The following RCSD1 variants were observed in gnomAD, a reference collection of about 807,000 sequenced individuals.
RCSD1 encodes capZ-interacting protein.
Under a neutral mutation model 42.5 loss-of-function variants are expected in RCSD1, and 26 were observed. The ratio of observed to expected loss-of-function variants is 0.61; its 90% confidence interval spans 0.45 to 0.85. The LOEUF is 0.85. Among genes scored for constraint, RCSD1 ranks in the 40% least tolerant of loss-of-function variants. The pLI is 0.00. For missense variants in RCSD1, 571 were observed against 528.3 expected (o/e 1.08, Z -0.79); for synonymous variants, 220 against 212.2 (o/e 1.04, Z -0.32).
intron 1 of RCSD1, among the ~76,000 whole-genome samples, chr1:167,649,790 C>A (rs760025128): frequency 2.6e-5 from 4 of 152,162 alleles, no homozygotes; most frequent in Non-Finnish European, 5.9e-5. Flanking sequence ...AGGGAGAGGA[C>A]AGCATTGTTC....
intron 6 of RCSD1, among the ~76,000 whole-genome samples, chr1:167,699,939 C>T (rs577698071): frequency 3.9e-5 from 6 of 152,316 alleles, no homozygotes; most frequent in African/African-American, 1.4e-4. Flanking sequence ...GGACCTCCCT[C>T]CATCCCATCA....
intron 5 of RCSD1, among the ~76,000 whole-genome samples, chr1:167,694,810 C>T (rs17539040): frequency 0.046 from 7,045 of 152,224 alleles, 217 homozygotes; most frequent in Middle Eastern, 0.12. Flanking sequence ...CCAAACTGTT[C>T]CCTTTGCAAA....
intron 4 of RCSD1, among the ~76,000 whole-genome samples, chr1:167,692,434 C>A (rs1659396884): frequency 6.6e-6 from 1 of 152,186 alleles, no homozygotes; most frequent in South Asian, 2.1e-4. Flanking sequence ...TGCCATGAAG[C>A]CCTCTCAGCC....
intron 1 of RCSD1, among the ~76,000 whole-genome samples, chr1:167,680,585 A>T (rs143603808): frequency 6.6e-6 from 1 of 152,100 alleles, no homozygotes; most frequent in Non-Finnish European, 1.5e-5. Flanking sequence ...GGCCCGAGTG[A>T]TCCTCTCTCC....
At chr1:167,673,987 T>C (rs1357745566) in intron 1 of RCSD1, among the ~76,000 whole-genome samples, 1 of 152,218 alleles carries the variant, frequency 6.6e-6, no homozygotes, top group Non-Finnish European at 1.5e-5. Flanking sequence ...ATTTCCCAAT[T>C]GCAGCAATGG....
In RCSD1 at chr1:167,707,364, G is replaced by T. The variant is rs1332329398; in HGVS notation, c.*2668G>T. 6.6e-6 allele frequency among the ~76,000 whole-genome samples: 1 copy of T among 152,230 alleles called. No homozygotes were observed. Among genetic ancestry groups the T allele is most frequent in the Non-Finnish European group, 1.5e-5 (1 of 68,042 alleles). The stretch of plus-strand genomic sequence containing the variant: ...TGATTAGGTTTTCTTGATTAGGGAT[G>T]TGTTTAGTACAGCTGAATGAACAAG... On this transcript the variant is annotated 3_prime_UTR_variant, in exon 7 of 7. Coordinates refer to ENST00000367854, the MANE Select transcript of RCSD1 (RefSeq NM_052862.4).
At chr1:167,695,602 G>A (rs377729508) in intron 5 of RCSD1, among the ~76,000 whole-genome samples, 11 of 149,354 alleles carry the variant, frequency 7.4e-5, no homozygotes, top group Non-Finnish European at 1.6e-4. Context: ...GCAGTGGTGC[G>A]ATATTGGCTC....
chr1:167,661,428 G>A (rs1658539763), intron 1 of RCSD1, among the ~76,000 whole-genome samples: 1 of 152,234 alleles, frequency 6.6e-6, no homozygotes, highest in Non-Finnish European at 1.5e-5. Flanking sequence ...GGGCCAGTCT[G>A]GCCTCACTGC....
chr1:167,696,647 C>A lies in RCSD1; in HGVS notation c.475-452C>A, dbSNP rs1442642990. Among the ~76,000 whole-genome samples, 3 of 152,034 alleles carry A rather than the reference C, an allele frequency of 2.0e-5. No individual in the cohort carries two copies. The South Asian group carries it at 6.2e-4, about 32-fold the overall frequency. On this transcript the variant is annotated intron_variant, in intron 5 of 6. Transcript: ENST00000367854. ...TTCTTACTTTCAGTAGAGATGGAGT[C>A]TCGCTACGTTGCCCAGGCTGATCTT...
intron 1 of RCSD1, among the ~76,000 whole-genome samples, chr1:167,667,710 T>C (rs1207448797): frequency 1.3e-5 from 2 of 152,324 alleles, no homozygotes; most frequent in East Asian, 1.9e-4. Context: ...CTTGGACAAG[T>C]CACTGAACCT....
chr1:167,635,461 G>A (rs936489064), intron 1 of RCSD1, among the ~76,000 whole-genome samples: 9 of 152,196 alleles, frequency 5.9e-5, no homozygotes, highest in African/African-American at 1.9e-4. Flanking sequence ...CACAGGAGGG[G>A]GTGAATGTGC....
intron 1 of RCSD1, among the ~76,000 whole-genome samples, chr1:167,651,828 C>A (rs528322006): frequency 6.6e-6 from 1 of 152,062 alleles, no homozygotes; most frequent in African/African-American, 2.4e-5. Context: ...CTCTGATAGG[C>A]CTTCTCCCCG....
intron 1 of RCSD1, among the ~76,000 whole-genome samples, chr1:167,654,727 G>A (rs768576244): frequency 6.6e-6 from 1 of 152,160 alleles, no homozygotes; most frequent in African/African-American, 2.4e-5. Context: ...ACAAGAGGAA[G>A]GAGAGCAGAA....
chr1:167,648,112 TC>T (rs1658211435), intron 1 of RCSD1, among the ~76,000 whole-genome samples: 1 of 152,244 alleles, frequency 6.6e-6, no homozygotes, highest in Non-Finnish European at 1.5e-5. Context: ...CTATCTTTTC[TC>T]TTAACATTAT....
rs189715687 is a variant in RCSD1, at chr1:167,676,586, T to G, written c.7-7314T>G. On this transcript the variant is annotated intron_variant, in intron 1 of 6. Coordinates refer to ENST00000367854, the MANE Select transcript of RCSD1 (RefSeq NM_052862.4). ...TATGCTTGTACAACAGTTGGCACAT[T>G]TTAGAGACAAATTTCCCACCATCAT... is the stretch of plus-strand genomic sequence containing the variant. Among the ~76,000 whole-genome samples the G allele has an allele frequency of 9.6e-4, 146 of 152,284 alleles. 1 individual carries two copies. Among genetic ancestry groups the G allele is most frequent in the African/African-American group, 3.4e-3 (140 of 41,548 alleles).
At chr1:167,686,901 C>T (rs1313057819) in intron 3 of RCSD1, among the ~76,000 whole-genome samples, 2 of 152,178 alleles carry the variant, frequency 1.3e-5, no homozygotes, top group Admixed American at 6.5e-5. Context: ...CACACCATAC[C>T]GAATCATTTT....
At chr1:167,630,622 C>CACCCGGGT in intron 1 of RCSD1, 193 bp downstream of exon 1, 1 of 413,248 alleles carries the variant, frequency 2.4e-6, no homozygotes, top group Middle Eastern at 3.3e-4. Flanking sequence ...CCACCTAGGA[C>CACCCGGGT]ACCCGGGTTG....
chr1:167,650,319 G>A (rs1658270618), intron 1 of RCSD1, among the ~76,000 whole-genome samples: 1 of 152,156 alleles, frequency 6.6e-6, no homozygotes, highest in Non-Finnish European at 1.5e-5. Flanking sequence ...TGGGGTGGGG[G>A]CAGGGTCAAG....
intron 1 of RCSD1, among the ~76,000 whole-genome samples, chr1:167,648,100 C>A (rs188743749): frequency 1.3e-5 from 2 of 152,274 alleles, no homozygotes; most frequent in East Asian, 3.9e-4. Context: ...CAACTCTGTA[C>A]TCTATCTTTT....
Sources: gnomAD v4.1 joint callset for allele counts (sites outside exome capture counted in the v4.1 genomes callset) on GRCh38, gnomAD v4.1.1 for gene constraint, MANE v1.5 for transcripts, NCBI Gene and HGNC (gene_info 2026-07-23, HGNC 2026-07-21) for gene names.